Variants in ACSBG2 observed in about 807,000 individuals in gnomAD.
ACSBG2 encodes long-chain-fatty-acid--CoA ligase ACSBG2.
A neutral mutation model predicts 74.7 loss-of-function variants in ACSBG2; 62 were observed. The ratio of observed to expected loss-of-function variants is 0.83; its 90% CI spans 0.68 to 1.03. The LOEUF (loss-of-function observed/expected upper bound fraction) is 1.03, where lower values mean the gene tolerates loss of function less well. Ranked by LOEUF, ACSBG2 falls within the 50% of genes least tolerant of loss-of-function variation. ACSBG2 has a pLI of 0.00. For missense variants in ACSBG2, 730 were observed against 817.6 expected (o/e 0.89, Z 1.31); for synonymous variants, 309 against 294.1 (o/e 1.05, Z -0.52).
chr19:6,190,486 C>A, intron 13 of ACSBG2, 98 bp from the exon 14 acceptor site: 2 of 1,040,008 alleles, frequency 1.9e-6, no homozygotes, highest in South Asian at 1.3e-5. Context: ...AGCCACCCAG[C>A]CTAGCCCCAG....
chr19:6,149,358 C>T (rs962631846), intron 3 of ACSBG2, among the ~76,000 whole-genome samples: 8 of 152,182 alleles, frequency 5.3e-5, no homozygotes, highest in South Asian at 2.1e-4. Context: ...GCCGTGATCC[C>T]GTATGACTAA....
At chr19:6,153,452 G>A (rs1487267947) in intron 4 of ACSBG2, among the ~76,000 whole-genome samples, 1 of 151,898 alleles carries the variant, frequency 6.6e-6, no homozygotes, top group Non-Finnish European at 1.5e-5. Flanking sequence ...GCTGTGGTTG[G>A]ATAAAGACCC....
intron 6 of ACSBG2, 56 bp from the exon 7 acceptor site, chr19:6,165,810 G>T (rs765539606): frequency 3.4e-5 from 54 of 1,600,916 alleles, no homozygotes; most frequent in Non-Finnish European, 3.8e-5. Flanking sequence ...AGGTCTGGCT[G>T]GGTGAGAGGA....
At chr19:6,145,841 TAACAC>T (rs947720384) in intron 2 of ACSBG2, among the ~76,000 whole-genome samples, 30 of 152,282 alleles carry the variant, frequency 2.0e-4, no homozygotes, top group African/African-American at 7.0e-4. Context: ...CTCAATGGCT[TAACAC>T]AACACAAGTG....
intron 6 of ACSBG2, among the ~76,000 whole-genome samples, chr19:6,164,220 G>A (rs1449140899): frequency 2.0e-5 from 3 of 152,130 alleles, no homozygotes; most frequent in Non-Finnish European, 4.4e-5. Context: ...GTCTTCTACC[G>A]GCCTTTGAAG....
chr19:6,179,695 G>A (rs2090191025), intron 8 of ACSBG2, among the ~76,000 whole-genome samples: 2 of 152,210 alleles, frequency 1.3e-5, no homozygotes, highest in African/African-American at 2.4e-5. Context: ...TCAACTCACT[G>A]CAACCTCCAC....
chr19:6,138,720 G>C (rs977314446), intron 1 of ACSBG2, among the ~76,000 whole-genome samples: 8 of 149,268 alleles, frequency 5.4e-5, no homozygotes, highest in African/African-American at 2.0e-4. Flanking sequence ...GAGGAAAGAA[G>C]GAAGGGAGGG....
rs559087991 is a variant in ACSBG2 at position 6,171,425 on chromosome 19, C to CTTTACAT, written c.738+5413_738+5419dup. 4.9e-3 allele frequency among the ~76,000 whole-genome samples: 752 copies of CTTTACAT among 152,078 alleles called. 2 individuals are homozygous for CTTTACAT. The highest frequency in any genetic ancestry group is 7.9e-3 in the Non-Finnish European group (537 of 67,986). ...GGGCTGATCTAGTGATGACAAATTC[C>CTTTACAT]TTTACATTTGCTTATCTGAGAAATA... On this transcript the variant is annotated intron_variant, in intron 7 of 14. Transcript: ENST00000588485.
Position 6,183,099 on chromosome 19 carries a change from G to A in ACSBG2, c.1149G>A (p.Lys383=). ...AGACTCTCGTGTTCAGCAAAGTCAA[G>A]ACATCCCTTGGCTTGGATCACTGTC... ...MAKTLVFSKV[K]TSLGLDHCHS... Residue 383 remains lysine, a synonymous_variant, in exon 10 of 15, where the codon AAG becomes AAA. Coordinates refer to ENST00000588485, the MANE Select transcript of ACSBG2 (RefSeq NM_030924.5). The A allele has an allele frequency of 6.2e-7, 1 of 1,614,214 alleles. No individual in the cohort carries two copies. Among genetic ancestry groups the A allele is most frequent in the Non-Finnish European group, 8.5e-7 (1 of 1,180,032 alleles).
chr19:6,165,304 T>A (rs1026583002), intron 6 of ACSBG2, among the ~76,000 whole-genome samples: 10 of 152,208 alleles, frequency 6.6e-5, no homozygotes, highest in African/African-American at 2.4e-4. Flanking sequence ...GTCTCAGAAT[T>A]CCCAGGTAAA....
At chr19:6,181,827 C>G (rs969097764) in intron 8 of ACSBG2, among the ~76,000 whole-genome samples, 1 of 129,044 alleles carries the variant, frequency 7.7e-6, no homozygotes, top group Non-Finnish European at 1.6e-5. Context: ...CCCCCCCCAA[C>G]GAAATTTCCT....
At chr19:6,170,076 C>T (rs1376306254) in intron 7 of ACSBG2, among the ~76,000 whole-genome samples, 1 of 152,080 alleles carries the variant, frequency 6.6e-6, no homozygotes, top group Non-Finnish European at 1.5e-5. Flanking sequence ...TCTTTTATTT[C>T]TTGCTTGTGC....
intron 5 of ACSBG2, among the ~76,000 whole-genome samples, chr19:6,158,043 C>A (rs1568229834): frequency 1.4e-5 from 2 of 142,810 alleles, no homozygotes; most frequent in African/African-American, 2.6e-5. Flanking sequence ...TGTTTGGTTA[C>A]AATTTTCTTT....
chr19:6,142,605 TA>T (rs2088884035), intron 2 of ACSBG2, among the ~76,000 whole-genome samples: 1 of 151,638 alleles, frequency 6.6e-6, no homozygotes. Context: ...TACAAAAAAT[TA>T]GCCAGGTGTG....
intron 8 of ACSBG2, among the ~76,000 whole-genome samples, chr19:6,178,682 A>C (rs1424506123): frequency 6.6e-6 from 1 of 152,092 alleles, no homozygotes; most frequent in Non-Finnish European, 1.5e-5. Flanking sequence ...GCTCCATTGC[A>C]TTATTTTTTT....
At chr19:6,181,395 A>G (rs1164874557) in intron 8 of ACSBG2, among the ~76,000 whole-genome samples, 2 of 152,008 alleles carry the variant, frequency 1.3e-5, no homozygotes, top group Non-Finnish European at 2.9e-5. Flanking sequence ...ATTAAAAATG[A>G]AAAAAATTGG....
intron 5 of ACSBG2, among the ~76,000 whole-genome samples, chr19:6,160,995 G>A (rs966257872): frequency 1.3e-5 from 2 of 152,106 alleles, no homozygotes; most frequent in Admixed American, 6.5e-5. Flanking sequence ...AGATACTCAG[G>A]AGGCTGAGGT....
intron 2 of ACSBG2, among the ~76,000 whole-genome samples, chr19:6,142,893 C>A (rs1239765726): frequency 6.6e-6 from 1 of 152,140 alleles, no homozygotes; most frequent in African/African-American, 2.4e-5. Flanking sequence ...GGGATGCTAC[C>A]TTTATGGGTC....
At chr19:6,161,991 T>C (rs2089638245) in intron 6 of ACSBG2, among the ~76,000 whole-genome samples, 1 of 152,166 alleles carries the variant, frequency 6.6e-6, no homozygotes, top group Non-Finnish European at 1.5e-5. Context: ...AATATTTTAT[T>C]TATACCCAAG....
Sources: allele counts gnomAD v4.1 joint callset (sites outside exome capture counted in the v4.1 genomes callset), GRCh38; gene constraint gnomAD v4.1.1; transcripts MANE v1.5; gene names NCBI Gene and HGNC (gene_info 2026-07-23, HGNC 2026-07-21).